The following TM9SF3 variants were observed in gnomAD, a reference collection of about 807,000 sequenced individuals.
The protein encoded by TM9SF3 is SM-11044-binding protein.
TM9SF3 carries 14 observed loss-of-function variants against 78.6 expected under a neutral mutation model. The observed-to-expected ratio is 0.18, with a 90% confidence interval of 0.12 to 0.28. The LOEUF (loss-of-function observed/expected upper bound fraction) is 0.28, where lower values mean the gene tolerates loss of function less well. TM9SF3 is among the 10% of genes least tolerant of loss of function. The pLI, the probability that TM9SF3 is intolerant of heterozygous loss-of-function variation, is 1.00. For missense variants in TM9SF3, 496 were observed against 721.9 expected (o/e 0.69, Z 3.59); for synonymous variants, 231 against 241.7 (o/e 0.96, Z 0.41).
intron 2 of TM9SF3, among the ~76,000 whole-genome samples, chr10:96,574,601 C>T (rs1303709911): frequency 2.0e-5 from 3 of 152,166 alleles, no homozygotes; most frequent in African/African-American, 7.2e-5. Context: ...ATAAATCATT[C>T]TACTATAAAG....
intron 9 of TM9SF3, among the ~76,000 whole-genome samples, chr10:96,534,088 T>C (rs540342124): frequency 1.1e-4 from 16 of 151,730 alleles, no homozygotes; most frequent in African/African-American, 3.2e-4. Context: ...AGACACTGAT[T>C]GAGAGAAATG....
In TM9SF3 at chr10:96,576,513, A is replaced by G. The variant is rs937987663; in HGVS notation, c.298+121T>C. 5 of 918,396 alleles carry G rather than the reference A, an allele frequency of 5.4e-6. No individual in the cohort carries two copies. In the African/African-American group the frequency reaches 8.7e-5, roughly 16 times the overall value. The allele number at this position is 918,396 out of a possible 1,614,324, so 56.9% of individuals were successfully genotyped here. On this transcript the variant is annotated intron_variant, in intron 2 of 14. Coordinates refer to ENST00000371142, the MANE Select transcript of TM9SF3 (RefSeq NM_020123.4). ...GCCAGGGACTCTGCTAGACATCCTA[A>G]CATGTACATAACAGCTCCATACAAC...
At chr10:96,580,760 A>G (rs1465558513) in intron 1 of TM9SF3, among the ~76,000 whole-genome samples, 1 of 152,220 alleles carries the variant, frequency 6.6e-6, no homozygotes, top group Non-Finnish European at 1.5e-5. Context: ...CTAACAATAA[A>G]TACATACTAT....
At chr10:96,586,342 C>A (rs1224789518) in intron 1 of TM9SF3, among the ~76,000 whole-genome samples, 1 of 152,154 alleles carries the variant, frequency 6.6e-6, no homozygotes, top group Non-Finnish European at 1.5e-5. Flanking sequence ...CCCTCAGTAG[C>A]CAGAAGGCAG....
intron 3 of TM9SF3, among the ~76,000 whole-genome samples, chr10:96,564,518 CTTGATA>C (rs1182202790): frequency 4.6e-5 from 7 of 152,198 alleles, no homozygotes; most frequent in Non-Finnish European, 7.3e-5. Flanking sequence ...ATAATTATCT[CTTGATA>C]TTAACTTTCT....
intron 14 of TM9SF3, among the ~76,000 whole-genome samples, 176 bp downstream of exon 14, chr10:96,527,037 A>G (rs1453947206): frequency 2.0e-5 from 3 of 152,174 alleles, no homozygotes; most frequent in Admixed American, 1.3e-4. Context: ...ATAGAAATTA[A>G]TAAGGTAATA....
At position 96,576,794 on chromosome 10, in the gene TM9SF3, A is replaced by G; in HGVS notation, c.138T>C (p.Asn46=). The change falls in exon 2 of 15, where the codon AAT becomes AAC. Residue 46 remains asparagine (N), a synonymous_variant. Transcript: ENST00000371142. The stretch of plus-strand genomic sequence containing the variant: ...GACGATTATGGTAGGGCCCAACAGT[A>G]TTCATCCATAAGACAACTTCCTCTT... ...QDKEEVVLWM[N]TVGPYHNRQE... The G allele has an allele frequency of 6.4e-7, 1 of 1,561,800 alleles. No homozygotes were observed. The highest frequency in any genetic ancestry group is 2.4e-5 in the East Asian group (1 of 42,432).
chr10:96,564,073 C>A (rs1029131735), intron 3 of TM9SF3, among the ~76,000 whole-genome samples: 12 of 148,508 alleles, frequency 8.1e-5, no homozygotes, highest in Non-Finnish European at 1.8e-4. Context: ...TGCTTGAAGC[C>A]AGAAGTTTGA....
intron 9 of TM9SF3, 47 bp downstream of exon 9, chr10:96,544,029 G>T (rs753387022): frequency 1.9e-6 from 3 of 1,576,096 alleles, no homozygotes; most frequent in Non-Finnish European, 2.6e-6. Flanking sequence ...GTCTCAGTTA[G>T]AATGTGTATA....
chr10:96,580,211 C>T (rs989726737), intron 1 of TM9SF3, among the ~76,000 whole-genome samples: 14 of 152,196 alleles, frequency 9.2e-5, no homozygotes, highest in African/African-American at 3.1e-4. Context: ...ACGTCATCCA[C>T]GCTGGCCAAA....
chr10:96,579,063 G>A (rs1848530936), intron 1 of TM9SF3, among the ~76,000 whole-genome samples: 1 of 152,190 alleles, frequency 6.6e-6, no homozygotes, highest in African/African-American at 2.4e-5. Context: ...GGGTAACAGG[G>A]CGAGACTCAG....
chr10:96,532,153 T>C (rs1356266287), intron 10 of TM9SF3, among the ~76,000 whole-genome samples: 1 of 151,100 alleles, frequency 6.6e-6, no homozygotes, highest in Admixed American at 6.6e-5. Flanking sequence ...GAGCTTGCAG[T>C]GAGCCGAGAT....
intron 9 of TM9SF3, among the ~76,000 whole-genome samples, chr10:96,542,061 T>C (rs948389757): frequency 6.6e-6 from 1 of 152,246 alleles, no homozygotes; most frequent in African/African-American, 2.4e-5. Context: ...TGAGAATCAC[T>C]GAGTTTATGA....
Position 96,562,216 on chromosome 10 carries a change from GTTTTTTTT to G in TM9SF3, c.422-86_422-79del, listed in dbSNP as rs34868868. ...ATCCTACAAGCTAAATGCTCATTAA[GTTTTTTTT>G]TTTTTTTTTTTTACCTCCGCCCTCT... On this transcript the variant is annotated intron_variant, in intron 3 of 14. Transcript: ENST00000371142. 5 of 561,230 alleles carry G rather than the reference GTTTTTTTT, an allele frequency of 8.9e-6. No individual in the cohort carries two copies. The African/African-American group carries it at 9.7e-5, about 11-fold the overall frequency. 34.8% of individuals were successfully genotyped at this position (561,230 alleles called of 1,614,324 possible).
In TM9SF3 at chr10:96,561,881, T is replaced by C. The variant is rs189713659; in HGVS notation, c.582+97A>G. Reference sequence around the variant, plus strand: ...TTAATAATATTCTGTTGCATCCCATTTCAAGCTACATTTTCATTTACTAAA... The same window carrying C: ...TTAATAATATTCTGTTGCATCCCATCTCAAGCTACATTTTCATTTACTAAA... On this transcript the variant is annotated intron_variant, in intron 4 of 14. Coordinates refer to ENST00000371142, the MANE Select transcript of TM9SF3 (RefSeq NM_020123.4). The C allele has an allele frequency of 3.8e-5, 39 of 1,017,766 alleles. No individual in the cohort carries two copies. In the East Asian group the frequency reaches 8.7e-4, roughly 23 times the overall value. 63.0% of individuals were successfully genotyped at this position (1,017,766 alleles called of 1,614,324 possible).
chr10:96,570,575 T>C (rs1848427631), intron 2 of TM9SF3, among the ~76,000 whole-genome samples: 1 of 152,234 alleles, frequency 6.6e-6, no homozygotes, highest in African/African-American at 2.4e-5. Context: ...ACACTTTGGT[T>C]GAAACCAACA....
intron 1 of TM9SF3, among the ~76,000 whole-genome samples, chr10:96,579,868 T>C (rs1218234992): frequency 2.6e-5 from 4 of 152,152 alleles, no homozygotes; most frequent in Non-Finnish European, 4.4e-5. Context: ...CAAAAGAAAA[T>C]GTTTTAAAAT....
chr10:96,543,803 T>C (rs1848064391), intron 9 of TM9SF3: 1 of 189,220 alleles, frequency 5.3e-6, no homozygotes, highest in Non-Finnish European at 1.1e-5. Context: ...CCATCTCTGA[T>C]AAAAAGCTAT....
intron 9 of TM9SF3, among the ~76,000 whole-genome samples, chr10:96,536,843 T>C (rs1847966105): frequency 6.6e-6 from 1 of 152,242 alleles, no homozygotes; most frequent in Non-Finnish European, 1.5e-5. Flanking sequence ...TGAAATGCAG[T>C]GGCTATTCAC....
Sources: allele counts gnomAD v4.1 joint callset (sites outside exome capture counted in the v4.1 genomes callset), GRCh38; gene constraint gnomAD v4.1.1; transcripts MANE v1.5; gene names NCBI Gene and HGNC (gene_info 2026-07-23, HGNC 2026-07-21).